The following WWOX variants were observed in gnomAD, a reference collection of about 807,000 sequenced individuals.
The protein encoded by WWOX is WW domain containing oxidoreductase, also known as WW domain-containing oxidoreductase.
Under a neutral mutation model 46.2 loss-of-function variants are expected in WWOX, and 69 were observed. The ratio of observed to expected loss-of-function variants is 1.49; its 90% CI spans 1.23 to 1.82. The LOEUF is 1.82. WWOX is among the 40% of genes most tolerant of loss of function. The pLI is 0.00. For synonymous variants in WWOX, 359 were observed against 202.6 expected, an observed-to-expected ratio of 1.77 and a Z score of -6.56; for missense variants, 919 against 542.6, an observed-to-expected ratio of 1.69 and a Z score of -6.89.
At chr16:78,426,208 G>A (rs906142569) in intron 7 of WWOX, among the ~76,000 whole-genome samples, 4 of 152,186 alleles carry the variant, frequency 2.6e-5, no homozygotes, top group African/African-American at 9.7e-5. Context: ...ATCACACCAG[G>A]TTTGTGAAGG....
At chr16:78,640,525 A>G (rs2046682196) in intron 8 of WWOX, among the ~76,000 whole-genome samples, 2 of 152,036 alleles carry the variant, frequency 1.3e-5, no homozygotes, top group South Asian at 4.1e-4. Flanking sequence ...CGAAACAACC[A>G]CCCGTGCTGA....
intron 8 of WWOX, among the ~76,000 whole-genome samples, chr16:78,877,962 C>T (rs1004830758): frequency 6.6e-5 from 10 of 152,230 alleles, no homozygotes; most frequent in African/African-American, 1.9e-4. Context: ...TGCAAATCCC[C>T]TCTTGTGCCT....
chr16:79,179,765 C>G (rs565339923), intron 8 of WWOX, among the ~76,000 whole-genome samples: 1 of 152,292 alleles, frequency 6.6e-6, no homozygotes, highest in East Asian at 1.9e-4. Flanking sequence ...TGAAAGATCT[C>G]AACCTTGAAT....
At chr16:78,556,395 A>T (rs2044297707) in intron 8 of WWOX, among the ~76,000 whole-genome samples, 1 of 152,150 alleles carries the variant, frequency 6.6e-6, no homozygotes, top group Admixed American at 6.6e-5. Context: ...GGGACTTGAG[A>T]GGAGCAGAGT....
chr16:78,829,000 C>T (rs563797941), intron 8 of WWOX, among the ~76,000 whole-genome samples: 52 of 152,296 alleles, frequency 3.4e-4, no homozygotes, highest in African/African-American at 1.2e-3. Flanking sequence ...GATTTAAACC[C>T]TTGGACTTCT....
chr16:78,526,935 C>A (rs2043484602), intron 8 of WWOX, among the ~76,000 whole-genome samples: 1 of 152,142 alleles, frequency 6.6e-6, no homozygotes. Flanking sequence ...GAGGCCGAGG[C>A]AGGTGGATCA....
chr16:79,091,021 C>G (rs768026544), intron 8 of WWOX, among the ~76,000 whole-genome samples: 9 of 152,080 alleles, frequency 5.9e-5, no homozygotes, highest in Non-Finnish European at 1.0e-4. Flanking sequence ...CTCCTGACCT[C>G]AGGTGATCCA....
intron 8 of WWOX, among the ~76,000 whole-genome samples, chr16:79,007,528 A>G (rs548650701): frequency 2.6e-5 from 4 of 152,240 alleles, no homozygotes; most frequent in African/African-American, 9.6e-5. Flanking sequence ...GGCAAGCTGG[A>G]TAAGAGCACC....
At chr16:78,290,288 C>T (rs994580081) in intron 5 of WWOX, among the ~76,000 whole-genome samples, 1 of 149,478 alleles carries the variant, frequency 6.7e-6, no homozygotes, top group Non-Finnish European at 1.5e-5. Flanking sequence ...GTTCCCCCCC[C>T]CACCCCCCAT....
intron 8 of WWOX, among the ~76,000 whole-genome samples, chr16:78,702,430 C>A (rs1187154876): frequency 2.0e-5 from 3 of 151,718 alleles, no homozygotes; most frequent in Non-Finnish European, 4.4e-5. Context: ...GTGGGCAGAT[C>A]CCATGAGGTC....
intron 8 of WWOX, among the ~76,000 whole-genome samples, chr16:79,115,101 G>C (rs184156813): frequency 1.3e-5 from 2 of 152,136 alleles, no homozygotes; most frequent in African/African-American, 4.8e-5. Context: ...CAATGCTGCC[G>C]CCTCCCACCC....
chr16:78,293,232 C>T (rs1021543943), intron 5 of WWOX, among the ~76,000 whole-genome samples: 1 of 152,334 alleles, frequency 6.6e-6, no homozygotes, highest in African/African-American at 2.4e-5. Context: ...AGGGATTATA[C>T]ATTTACCTCT....
chr16:78,914,454 C>T (rs2045194048), intron 8 of WWOX, among the ~76,000 whole-genome samples: 1 of 151,978 alleles, frequency 6.6e-6, no homozygotes, highest in Non-Finnish European at 1.5e-5. Context: ...GAAACAGTTC[C>T]AGATTCATGA....
chr16:78,328,149 A>G lies in WWOX; in HGVS notation c.517-58711A>G, dbSNP rs924338737. Among the ~76,000 whole-genome samples, 31 of 152,136 alleles carry G rather than the reference A, an allele frequency of 2.0e-4. 1 individual carries two copies. The highest frequency in any genetic ancestry group is 1.5e-5 in the Non-Finnish European group (1 of 68,034). Reference sequence around the variant, plus strand: ...CTCAGCCTCCCAAAGTGTTGGGATTATAGGTGTGAGCCTCTGTACCTGAGT... The same window carrying G: ...CTCAGCCTCCCAAAGTGTTGGGATTGTAGGTGTGAGCCTCTGTACCTGAGT... On this transcript the variant is annotated intron_variant, in intron 5 of 8. Coordinates refer to ENST00000566780, the MANE Select transcript of WWOX (RefSeq NM_016373.4).
intron 8 of WWOX, among the ~76,000 whole-genome samples, chr16:78,581,680 G>C (rs920380674): frequency 2.0e-5 from 3 of 152,134 alleles, no homozygotes; most frequent in African/African-American, 7.2e-5. Flanking sequence ...GATTGAAGTA[G>C]TTTATACCAG....
At chr16:78,400,895 C>T (rs567049618) in intron 6 of WWOX, among the ~76,000 whole-genome samples, 1 of 152,384 alleles carries the variant, frequency 6.6e-6, no homozygotes, top group African/African-American at 2.4e-5. Flanking sequence ...ACGATCACAG[C>T]TCACTATGGC....
chr16:78,946,367 T>A (rs1041313728), intron 8 of WWOX, among the ~76,000 whole-genome samples: 1 of 152,076 alleles, frequency 6.6e-6, no homozygotes, highest in Admixed American at 6.5e-5. Context: ...TTTTTTGTAT[T>A]TTTAGTAGAG....
intron 5 of WWOX, among the ~76,000 whole-genome samples, chr16:78,287,064 T>C (rs2079779993): frequency 6.6e-6 from 1 of 152,208 alleles, no homozygotes; most frequent in Admixed American, 6.5e-5. Context: ...CATTTGGTAA[T>C]ACAACGGGAC....
intron 8 of WWOX, among the ~76,000 whole-genome samples, chr16:79,130,604 C>T (rs917239554): frequency 6.6e-6 from 1 of 152,272 alleles, no homozygotes; most frequent in South Asian, 2.1e-4. Flanking sequence ...ATTGAGGTTG[C>T]CCCCATGGAG....
Sources: gnomAD v4.1 joint callset for allele counts (sites outside exome capture counted in the v4.1 genomes callset) on GRCh38, gnomAD v4.1.1 for gene constraint, MANE v1.5 for transcripts, NCBI Gene and HGNC (gene_info 2026-07-23, HGNC 2026-07-21) for gene names.